The following CAND2 variants were observed in gnomAD, a reference collection of about 807,000 sequenced individuals.
CAND2 encodes cullin associated and neddylation dissociated 2 (putative).
In CAND2, 62 loss-of-function variants were observed where a neutral mutation model predicts 98.9. The ratio of observed to expected loss-of-function variants is 0.63; its 90% CI spans 0.51 to 0.77. The LOEUF is 0.77. Among genes scored for constraint, CAND2 ranks in the 30% least tolerant of loss-of-function variants. The probability of loss-of-function intolerance (pLI) is 0.00; values close to 1 mark genes in which losing one functional copy is unlikely to be tolerated. For missense variants in CAND2, 1,501 were observed against 1,655.2 expected (o/e 0.91, Z 1.62); for synonymous variants, 770 against 731.9 (o/e 1.05, Z -0.84).
chr3:12,807,192 C>T, intron 2 of CAND2, 114 bp from the exon 3 acceptor site: 2 of 948,514 alleles, frequency 2.1e-6, no homozygotes, highest in Admixed American at 5.5e-5. Context: ...CCCTGATGAT[C>T]TGAGGCCTTT....
intron 2 of CAND2, among the ~76,000 whole-genome samples, chr3:12,804,512 G>A (rs1372154511): frequency 1.3e-5 from 2 of 152,060 alleles, no homozygotes; most frequent in African/African-American, 2.4e-5. Context: ...ACTGGGAGAG[G>A]TCCTAAAAGC....
At chr3:12,797,501 T>C (rs1277503205) in intron 1 of CAND2, among the ~76,000 whole-genome samples, 2 of 152,118 alleles carry the variant, frequency 1.3e-5, no homozygotes, top group Non-Finnish European at 2.9e-5. Context: ...CACTCCCTTT[T>C]TCCTTCTTTC....
At position 12,815,921 on chromosome 3, in the gene CAND2, G is replaced by A; in HGVS notation, c.1354G>A (p.Ala452Thr). Residue 452 changes from alanine (A) to threonine (T), a missense_variant, in exon 9 of 15, where the codon GCC becomes ACC. By Grantham distance (58) the Ala-to-Thr change is moderately conservative. Coordinates refer to ENST00000456430, the MANE Select transcript of CAND2 (RefSeq NM_001162499.2). The surrounding 1 kb of genome is among the most constrained non-coding windows in gnomAD (Gnocchi z 5.7). ...GCAGCTTAAAGATCGGAGCGTCAGA[G>A]CCCGCCAGGGATGCTTCAGCCTCCT... ...QRQLKDRSVR[A>T]RQGCFSLLTE... The A allele has an allele frequency of 6.2e-7, 1 of 1,613,778 alleles. No homozygotes were observed.
chr3:12,816,239 T>A (rs1321573079), intron 9 of CAND2, 135 bp from the exon 10 acceptor site: 4 of 945,756 alleles, frequency 4.2e-6, no homozygotes, highest in Non-Finnish European at 6.3e-6. Flanking sequence ...AGGGCTGACT[T>A]CTTGGAAACT....
At chr3:12,818,589 G>A (rs913142564) in intron 10 of CAND2, among the ~76,000 whole-genome samples, 1 of 152,206 alleles carries the variant, frequency 6.6e-6, no homozygotes, top group African/African-American at 2.4e-5. Context: ...CAGGCTCCTA[G>A]GAAAATGAGA....
chr3:12,834,085 C>A lies in CAND2; in HGVS notation c.*103C>A, dbSNP rs1009719877. On this transcript the variant is annotated 3_prime_UTR_variant, in exon 15 of 15. Transcript: ENST00000456430. ...GCAGGTCTCTACTTTTGCCCTTCCACCATCTCACTGGGGGCCCTGTCGCTC... is the reference window on the plus strand; with the variant it reads ...GCAGGTCTCTACTTTTGCCCTTCCAACATCTCACTGGGGGCCCTGTCGCTC... 1 of 939,018 alleles carries A rather than the reference C, an allele frequency of 1.1e-6. No individual in the cohort carries two copies. The highest frequency in any genetic ancestry group is 1.6e-6 in the Non-Finnish European group (1 of 607,226). The allele number at this position is 939,018 out of a possible 1,614,324, so 58.2% of individuals were successfully genotyped here.
At position 12,816,671 on chromosome 3, in the gene CAND2, C is replaced by T; in HGVS notation, c.1739C>T (p.Ala580Val). ...GCTGTCACCCTGGCGCGACTTCGTG[C>T]CACTGACCTGGACCAGGAGGTGAAG... ...MSAVTLARLR[A>V]TDLDQEVKER... The change falls in exon 10 of 15, where the codon GCC becomes GTC. Residue 580 changes from alanine (A) to valine (V), a missense_variant. Ala to Val is a moderately conservative substitution (Grantham distance 64). Coordinates refer to ENST00000456430, the MANE Select transcript of CAND2 (RefSeq NM_001162499.2). The T allele has an allele frequency of 6.2e-7, 1 of 1,613,772 alleles. No homozygotes were observed. Among genetic ancestry groups the T allele is most frequent in the Non-Finnish European group, 8.5e-7 (1 of 1,180,042 alleles).
Position 12,803,483 on chromosome 3 carries a change from T to A in CAND2, c.69-5T>A. ...TCAGCAATCTCCTCCACCCTCCCTGTGCAGGTTCATGGCCACCAGCGACCT... is the reference window on the plus strand; with the variant it reads ...TCAGCAATCTCCTCCACCCTCCCTGAGCAGGTTCATGGCCACCAGCGACCT... On this transcript the variant is annotated splice_polypyrimidine_tract_variant and splice_region_variant and intron_variant, in intron 1 of 14. Transcript: ENST00000456430. 6.2e-7 allele frequency: 1 copy of A among 1,602,536 alleles called. No individual in the cohort carries two copies. Among genetic ancestry groups the A allele is most frequent in the Non-Finnish European group, 8.5e-7 (1 of 1,174,166 alleles).
rs1356550427 is a variant in CAND2 at position 12,817,506 on chromosome 3, C to G, written c.2574C>G (p.His858Gln). 1 of 1,613,414 alleles carries G rather than the reference C, an allele frequency of 6.2e-7. No individual in the cohort carries two copies. Among genetic ancestry groups the G allele is most frequent in the Non-Finnish European group, 8.5e-7 (1 of 1,179,882 alleles). ...TGGGTCAGGTGGCTGGGCCAGGCCACCAGCGGGAGCTGAAGGCGGTGCTCC... is the reference window on the plus strand; with the variant it reads ...TGGGTCAGGTGGCTGGGCCAGGCCAGCAGCGGGAGCTGAAGGCGGTGCTCC... ...AEVGQVAGPGHQRELKAVLLE... is the reference protein window; with the variant it reads ...AEVGQVAGPGQQRELKAVLLE... Residue 858 changes from histidine (H) to glutamine (Q), a missense_variant, in exon 10 of 15, where the codon CAC becomes CAG. By Grantham distance (24) the His-to-Gln change is conservative. Around this residue, in one of 3 missense-constraint regions of CAND2, gnomAD observed 1,427 missense variants for 1,545.3 expected, o/e 0.92. Transcript: ENST00000456430.
At chr3:12,802,728 A>T (rs1463711104) in intron 1 of CAND2, among the ~76,000 whole-genome samples, 2 of 152,328 alleles carry the variant, frequency 1.3e-5, no homozygotes, top group East Asian at 3.9e-4. Context: ...ACGGGGAAAC[A>T]TTCTGAGAAG....
intron 2 of CAND2, among the ~76,000 whole-genome samples, chr3:12,806,303 A>G (rs1414884740): frequency 6.6e-6 from 1 of 152,198 alleles, no homozygotes. Flanking sequence ...GCGAGACCTC[A>G]TCTCAATAAA....
chr3:12,823,592 G>C (rs1294580514), intron 11 of CAND2, among the ~76,000 whole-genome samples: 1 of 152,168 alleles, frequency 6.6e-6, no homozygotes, highest in Non-Finnish European at 1.5e-5. Flanking sequence ...AGCCGGGCAT[G>C]CTGGCGGGCG....
At chr3:12,820,996 G>A (rs1044567540) in intron 11 of CAND2, among the ~76,000 whole-genome samples, 2 of 152,218 alleles carry the variant, frequency 1.3e-5, no homozygotes, top group Non-Finnish European at 2.9e-5. Context: ...CACTTTGGGA[G>A]GCCAAGGCAG....
intron 4 of CAND2, among the ~76,000 whole-genome samples, chr3:12,809,114 G>C (rs1377871640): frequency 6.6e-6 from 1 of 152,138 alleles, no homozygotes; most frequent in Non-Finnish European, 1.5e-5. Flanking sequence ...ACAGGACTTG[G>C]AGTGGGCAGG....
chr3:12,825,537 C>T lies in CAND2; in HGVS notation c.3108C>T (p.Asn1036=), dbSNP rs1559558097. Reference sequence around the variant, plus strand: ...GCCGTGCGACTCTGGCTTTCTTCAACTCAGCTGTGCACAACAAGCCCTCGC... The same window carrying T: ...GCCGTGCGACTCTGGCTTTCTTCAATTCAGCTGTGCACAACAAGCCCTCGC... ...NVRRATLAFF[N]SAVHNKPSLV... The change falls in exon 12 of 15, where the codon AAC becomes AAT. Residue 1036 remains asparagine, a synonymous_variant. Coordinates refer to ENST00000456430, the MANE Select transcript of CAND2 (RefSeq NM_001162499.2). 6.2e-7 allele frequency: 1 copy of T among 1,606,698 alleles called. No individual in the cohort carries two copies.
chr3:12,800,305 A>G (rs7650482), intron 1 of CAND2, among the ~76,000 whole-genome samples: 102,130 of 152,154 alleles, frequency 0.67, 36,296 homozygotes, highest in African/African-American at 0.88. Context: ...TGTGGGCTGC[A>G]GTGACATCTA....
rs751965915 is a variant in CAND2 at position 12,831,545 on chromosome 3, G to A, written c.3456G>A (p.Glu1152=). 6.6e-5 allele frequency: 106 copies of A among 1,613,214 alleles called. No homozygotes were observed. The South Asian group carries it at 1.1e-3, about 17-fold the overall frequency. ...TGCAGAGGGTGGACCGACTCATTGA[G>A]CCACTAAGGGCCACCTGCACTGCCA... ...PVLQRVDRLI[E]PLRATCTAKV... The change falls in exon 14 of 15, where the codon GAG becomes GAA. Residue 1152 remains glutamate, a synonymous_variant. Coordinates refer to ENST00000456430, the MANE Select transcript of CAND2 (RefSeq NM_001162499.2).
In CAND2 at chr3:12,833,746, C is replaced by CTACTT. The variant is rs1376960905; in HGVS notation, c.3484-6_3484-2dup. On this transcript the variant is annotated splice_polypyrimidine_tract_variant and intron_variant, in intron 14 of 14. Transcript: ENST00000456430. ...AAAGGATGGCTGCTTCTGCTGTTTC[C>CTACTT]TACTTTAGGTCAAAGCTGGTTCTGT... 6.2e-7 allele frequency: 1 copy of CTACTT among 1,611,068 alleles called. No individual in the cohort carries two copies. Among genetic ancestry groups the CTACTT allele is most frequent in the Admixed American group, 1.7e-5 (1 of 60,006 alleles).
intron 10 of CAND2, among the ~76,000 whole-genome samples, chr3:12,819,551 A>G (rs572891519): frequency 6.6e-6 from 1 of 152,296 alleles, no homozygotes; most frequent in South Asian, 2.1e-4. Context: ...AGGTGATCCG[A>G]GTTCTGTTAG....
Sources: gnomAD v4.1 joint callset for allele counts (sites outside exome capture counted in the v4.1 genomes callset) on GRCh38, gnomAD v4.1.1 for gene constraint, gnomAD v4.1.1 regional missense constraint, Gnocchi (gnomAD v3.1) non-coding constraint, MANE v1.5 for transcripts, NCBI Gene and HGNC (gene_info 2026-07-23, HGNC 2026-07-21) for gene names.